The following AGBL4 variants were observed in gnomAD, a reference collection of about 807,000 sequenced individuals.
The protein encoded by AGBL4 is cytosolic carboxypeptidase 6.
AGBL4 carries 58 observed loss-of-function variants against 66.4 expected under a neutral mutation model. That is an observed-to-expected ratio of 0.87 (90% CI 0.71 to 1.09). The LOEUF (loss-of-function observed/expected upper bound fraction) is 1.09. Ranked by LOEUF, AGBL4 falls within the 50% of genes least tolerant of loss-of-function variation. The pLI is 0.00. For synonymous variants in AGBL4, 234 were observed against 222.9 expected (o/e 1.05, Z -0.44); for missense variants, 579 against 631.0 (o/e 0.92, Z 0.88).
chr1:48,604,582 C>T (rs892612182), intron 9 of AGBL4, among the ~76,000 whole-genome samples: 2 of 151,826 alleles, frequency 1.3e-5, no homozygotes, highest in African/African-American at 4.8e-5. Flanking sequence ...AAGCATTGCA[C>T]ACTTTTGTTA....
At chr1:48,558,365 T>G (rs928285890) in intron 11 of AGBL4, among the ~76,000 whole-genome samples, 2 of 152,210 alleles carry the variant, frequency 1.3e-5, no homozygotes, top group African/African-American at 2.4e-5. Flanking sequence ...TTTATTTTCC[T>G]GCTCTTAATG....
rs145897859 is a variant in AGBL4 at position 48,728,263 on chromosome 1, G to A, written c.635-65022C>T. 3.9e-4 allele frequency among the ~76,000 whole-genome samples: 59 copies of A among 152,166 alleles called. 1 individual carries two copies. The highest frequency in any genetic ancestry group is 1.3e-3 in the African/African-American group (54 of 41,504). ...TTAAAAGTAATGATAAAGTGTCCACGTGTCCACCACTCAGTGGAGCAGGAT... is the reference window on the plus strand; with the variant it reads ...TTAAAAGTAATGATAAAGTGTCCACATGTCCACCACTCAGTGGAGCAGGAT... On this transcript the variant is annotated intron_variant, in intron 6 of 13. Transcript: ENST00000371839.
At chr1:49,546,351 A>G (rs956636432) in intron 3 of AGBL4, among the ~76,000 whole-genome samples, 4 of 150,702 alleles carry the variant, frequency 2.7e-5, no homozygotes, top group African/African-American at 9.7e-5. Flanking sequence ...GTATATATGT[A>G]TATATATATT....
intron 1 of AGBL4, among the ~76,000 whole-genome samples, chr1:49,965,251 C>T (rs1469026586): frequency 1.3e-5 from 2 of 152,168 alleles, no homozygotes; most frequent in Admixed American, 1.3e-4. Flanking sequence ...TCCCCATGTA[C>T]TTATGTAATT....
chr1:49,680,406 C>T (rs1001953931), intron 3 of AGBL4, among the ~76,000 whole-genome samples: 1 of 146,964 alleles, frequency 6.8e-6, no homozygotes, highest in African/African-American at 2.5e-5. Flanking sequence ...GTCATTCTTG[C>T]TGTATGGCAA....
intron 3 of AGBL4, among the ~76,000 whole-genome samples, chr1:49,478,415 T>C (rs938452481): frequency 1.3e-5 from 2 of 152,032 alleles, no homozygotes; most frequent in Non-Finnish European, 1.5e-5. Flanking sequence ...AATAGAAACC[T>C]TATAGGCCAG....
intron 2 of AGBL4, among the ~76,000 whole-genome samples, chr1:49,760,896 C>G (rs1298593203): frequency 6.6e-6 from 1 of 152,116 alleles, no homozygotes; most frequent in East Asian, 1.9e-4. Flanking sequence ...TGGAAGACAT[C>G]ATCCTCAGCA....
chr1:49,508,982 A>G (rs1368148808), intron 3 of AGBL4, among the ~76,000 whole-genome samples: 1 of 151,890 alleles, frequency 6.6e-6, no homozygotes, highest in Non-Finnish European at 1.5e-5. Context: ...AGTACTTATC[A>G]TCTAGTAGGG....
intron 6 of AGBL4, among the ~76,000 whole-genome samples, chr1:48,738,819 G>A (rs563531001): frequency 3.9e-4 from 59 of 152,112 alleles, no homozygotes; most frequent in African/African-American, 1.3e-3. Flanking sequence ...TTGAGTACCT[G>A]GTTCACGTAC....
chr1:49,440,069 C>CTTT lies in AGBL4; in HGVS notation c.283-194208_283-194206dup, dbSNP rs34024621. Among the ~76,000 whole-genome samples, 145 of 123,506 alleles carry CTTT rather than the reference C, an allele frequency of 1.2e-3. 3 individuals are homozygous for CTTT. Among genetic ancestry groups the CTTT allele is most frequent in the African/African-American group, 4.1e-3 (130 of 31,944 alleles). 81.0% of individuals were successfully genotyped at this position (123,506 alleles called of 152,430 possible). ...GACCTAAAAAATGCTAAGGACTCTA[C>CTTT]TTTTTTTTTTTTTTTTTTGAGACAG... On this transcript the variant is annotated intron_variant, in intron 3 of 13. Coordinates refer to ENST00000371839, the MANE Select transcript of AGBL4 (RefSeq NM_032785.4).
intron 2 of AGBL4, chr1:49,846,505 C>A (rs903197008): frequency 1.2e-6 from 1 of 835,562 alleles, no homozygotes; most frequent in Non-Finnish European, 1.8e-6. Flanking sequence ...TCTTTATCAA[C>A]AGGGTGGAAA....
At chr1:49,668,361 G>A (rs1208825790) in intron 3 of AGBL4, among the ~76,000 whole-genome samples, 1 of 152,044 alleles carries the variant, frequency 6.6e-6, no homozygotes, top group East Asian at 1.9e-4. Flanking sequence ...CAAGCACATT[G>A]ATTTTATATT....
intron 2 of AGBL4, among the ~76,000 whole-genome samples, chr1:49,742,691 T>C (rs564847604): frequency 5.9e-5 from 9 of 152,268 alleles, no homozygotes; most frequent in Non-Finnish European, 2.9e-5. Flanking sequence ...ATGGTACTGG[T>C]ACCAAAACAG....
chr1:48,963,340 A>C lies in AGBL4; in HGVS notation c.594+82244T>G, dbSNP rs550214748. Reference sequence around the variant, plus strand: ...GTCACAATGGCACTTAAATTTCAACATGAGTTTTAAAGGGGATATTCAAAC... The same window carrying C: ...GTCACAATGGCACTTAAATTTCAACCTGAGTTTTAAAGGGGATATTCAAAC... On this transcript the variant is annotated intron_variant, in intron 5 of 13. Transcript: ENST00000371839. Among the ~76,000 whole-genome samples, 108 of 152,216 alleles carry C rather than the reference A, an allele frequency of 7.1e-4. 1 individual carries two copies. The South Asian group carries it at 0.022, about 31-fold the overall frequency.
intron 5 of AGBL4, among the ~76,000 whole-genome samples, chr1:48,946,864 T>G (rs1257212716): frequency 1.3e-5 from 2 of 152,110 alleles, no homozygotes; most frequent in Admixed American, 6.5e-5. Flanking sequence ...GTAAAGCCAG[T>G]CTTTGTGGAG....
chr1:49,814,883 T>C (rs1048193201), intron 2 of AGBL4, among the ~76,000 whole-genome samples: 1 of 152,144 alleles, frequency 6.6e-6, no homozygotes, highest in Admixed American at 6.6e-5. Context: ...ATTTTTATTT[T>C]TTGTGGGAAC....
At chr1:49,161,142 G>C (rs1646533714) in intron 4 of AGBL4, among the ~76,000 whole-genome samples, 1 of 152,130 alleles carries the variant, frequency 6.6e-6, no homozygotes, top group Non-Finnish European at 1.5e-5. Flanking sequence ...TGCCTAAATG[G>C]CCACCCAGTT....
At chr1:48,975,277 T>G (rs902133473) in intron 5 of AGBL4, among the ~76,000 whole-genome samples, 1 of 152,188 alleles carries the variant, frequency 6.6e-6, no homozygotes, top group Non-Finnish European at 1.5e-5. Flanking sequence ...TGTGTTGTTC[T>G]TCTATTGAAT....
At chr1:49,883,811 C>A (rs754181536) in intron 1 of AGBL4, among the ~76,000 whole-genome samples, 2 of 151,788 alleles carry the variant, frequency 1.3e-5, no homozygotes, top group Non-Finnish European at 2.9e-5. Flanking sequence ...ACAAAACATG[C>A]ATGTATTGAC....
Sources: allele counts gnomAD v4.1 joint callset (sites outside exome capture counted in the v4.1 genomes callset), GRCh38; gene constraint gnomAD v4.1.1; transcripts MANE v1.5; gene names NCBI Gene and HGNC (gene_info 2026-07-23, HGNC 2026-07-21).